CMSS1: variants seen among roughly 807,000 people sequenced by gnomAD.
CMSS1 encodes cms1 ribosomal small subunit homolog, also known as protein CMSS1.
In CMSS1, 33 loss-of-function variants were observed where a neutral mutation model predicts 43.5. That is an observed-to-expected ratio of 0.76 (90% CI 0.57 to 1.01). The LOEUF (loss-of-function observed/expected upper bound fraction) is 1.01, where lower values mean the gene tolerates loss of function less well. CMSS1 is among the 50% of genes least tolerant of loss of function. The pLI is 0.00. For missense variants in CMSS1, 313 were observed against 326.4 expected (o/e 0.96, Z 0.32); for synonymous variants, 115 against 117.2 (o/e 0.98, Z 0.12).
intron 1 of CMSS1, among the ~76,000 whole-genome samples, chr3:100,127,246 T>C (rs2066670810): frequency 6.6e-6 from 1 of 152,226 alleles, no homozygotes. Flanking sequence ...CATTTTCAAC[T>C]GAGGCAATTC....
chr3:100,007,107 A>T (rs941016385), intron 1 of CMSS1, among the ~76,000 whole-genome samples: 1 of 152,134 alleles, frequency 6.6e-6, no homozygotes, highest in African/African-American at 2.4e-5. Flanking sequence ...TTTTTCTTGC[A>T]TCCTTGGCAT....
intron 1 of CMSS1, among the ~76,000 whole-genome samples, chr3:99,918,360 C>A (rs1707020852): frequency 6.6e-6 from 1 of 152,158 alleles, no homozygotes; most frequent in African/African-American, 2.4e-5. Context: ...GGTCTGCAGA[C>A]CAGACTGCCA....
intron 1 of CMSS1, among the ~76,000 whole-genome samples, chr3:100,088,040 A>G (rs191927475): frequency 3.3e-5 from 5 of 152,106 alleles, no homozygotes; most frequent in Non-Finnish European, 7.4e-5. Flanking sequence ...CATGTTGGCC[A>G]GGCTGGTCAG....
At chr3:99,865,780 A>C (rs187839096) in intron 1 of CMSS1, among the ~76,000 whole-genome samples, 5 of 151,862 alleles carry the variant, frequency 3.3e-5, no homozygotes, top group Admixed American at 3.3e-4. Flanking sequence ...ATCCTTAGAA[A>C]TATGTGTGTA....
chr3:100,062,112 T>C (rs1418537069), intron 1 of CMSS1, among the ~76,000 whole-genome samples: 22 of 91,082 alleles, frequency 2.4e-4, no homozygotes, highest in African/African-American at 8.0e-4. Flanking sequence ...TTTTTTTTTT[T>C]TTTTTTTTTT....
intron 1 of CMSS1, among the ~76,000 whole-genome samples, chr3:99,855,169 C>T (rs538498494): frequency 3.2e-4 from 49 of 152,284 alleles, no homozygotes; most frequent in African/African-American, 1.1e-3. Context: ...AGCCTGTATT[C>T]CTGACCTACA....
chr3:99,974,981 A>G (rs1708926880), intron 1 of CMSS1, among the ~76,000 whole-genome samples: 1 of 152,172 alleles, frequency 6.6e-6, no homozygotes, highest in African/African-American at 2.4e-5. Flanking sequence ...TACCATTTTC[A>G]CAAGTTCATT....
chr3:99,961,703 A>T lies in CMSS1; in HGVS notation c.64+143660A>T, dbSNP rs550710135. Among the ~76,000 whole-genome samples, 10 of 152,234 alleles carry T rather than the reference A, an allele frequency of 6.6e-5. 1 individual carries two copies. In the South Asian group the frequency reaches 2.1e-3, roughly 32 times the overall value. The stretch of plus-strand genomic sequence containing the variant: ...ATTCTTTTATAAGTGATTTAGTCTA[A>T]AAAAAATTTTTTAAGAATATTCTTC... On this transcript the variant is annotated intron_variant, in intron 1 of 9. Coordinates refer to ENST00000421999, the MANE Select transcript of CMSS1 (RefSeq NM_032359.4).
chr3:100,107,913 A>G (rs1223922859), intron 1 of CMSS1, among the ~76,000 whole-genome samples: 1 of 151,656 alleles, frequency 6.6e-6, no homozygotes, highest in African/African-American at 2.4e-5. Flanking sequence ...GCTTAGGGCC[A>G]GAGAATCTCA....
intron 1 of CMSS1, among the ~76,000 whole-genome samples, chr3:100,111,867 A>G (rs1360775508): frequency 1.3e-5 from 2 of 152,226 alleles, no homozygotes; most frequent in Admixed American, 1.3e-4. Context: ...TTTGATGCTG[A>G]GATGGTATCT....
intron 1 of CMSS1, among the ~76,000 whole-genome samples, chr3:100,033,097 A>C (rs182480499): frequency 6.6e-6 from 1 of 152,218 alleles, no homozygotes; most frequent in African/African-American, 2.4e-5. Context: ...ACTATCTTCA[A>C]CTATATTGCT....
At chr3:99,923,873 A>C (rs1707201759) in intron 1 of CMSS1, among the ~76,000 whole-genome samples, 1 of 152,192 alleles carries the variant, frequency 6.6e-6, no homozygotes, top group Admixed American at 6.5e-5. Flanking sequence ...CTCAAAATGC[A>C]GGTTCTTTTC....
chr3:99,876,587 C>A (rs1428774301), intron 1 of CMSS1, among the ~76,000 whole-genome samples: 2 of 151,996 alleles, frequency 1.3e-5, no homozygotes, highest in East Asian at 3.9e-4. Flanking sequence ...TGGGGGTAGG[C>A]GGGAGAGGGA....
intron 1 of CMSS1, among the ~76,000 whole-genome samples, chr3:99,973,042 C>T (rs1294864668): frequency 6.6e-6 from 1 of 152,000 alleles, no homozygotes; most frequent in Non-Finnish European, 1.5e-5. Context: ...TTTATCTGTT[C>T]ACAAAATTAG....
chr3:99,970,242 T>G (rs557482220), intron 1 of CMSS1, among the ~76,000 whole-genome samples: 1 of 152,364 alleles, frequency 6.6e-6, no homozygotes, highest in East Asian at 1.9e-4. Context: ...AGTCATCTGA[T>G]AAGTTTTGGA....
chr3:99,826,097 TTGTTAATCTGATG>T (rs1158429267), intron 1 of CMSS1, among the ~76,000 whole-genome samples: 5 of 152,166 alleles, frequency 3.3e-5, no homozygotes, highest in African/African-American at 4.8e-5. Flanking sequence ...CTTTTATCTG[TTGTTAATCTGATG>T]TTATTTAGTG....
At chr3:99,948,002 G>A (rs1425285653) in intron 1 of CMSS1, among the ~76,000 whole-genome samples, 3 of 152,152 alleles carry the variant, frequency 2.0e-5, no homozygotes, top group Non-Finnish European at 4.4e-5. Context: ...AAAATTAAAA[G>A]CAGAGCTGTG....
chr3:99,861,478 T>G (rs140970947), intron 1 of CMSS1, among the ~76,000 whole-genome samples: 2 of 152,346 alleles, frequency 1.3e-5, no homozygotes, highest in East Asian at 3.9e-4. Flanking sequence ...GTGCTCCTCC[T>G]GGGCTTGTCC....
At chr3:100,103,257 T>G (rs1023053857) in intron 1 of CMSS1, among the ~76,000 whole-genome samples, 2 of 152,174 alleles carry the variant, frequency 1.3e-5, no homozygotes, top group African/African-American at 4.8e-5. Flanking sequence ...CAGCTCACAG[T>G]GGCAGCAAGA....
Sources: gnomAD v4.1 joint callset for allele counts (sites outside exome capture counted in the v4.1 genomes callset) on GRCh38, gnomAD v4.1.1 for gene constraint, MANE v1.5 for transcripts, NCBI Gene and HGNC (gene_info 2026-07-23, HGNC 2026-07-21) for gene names.